SYT16: variants seen among roughly 807,000 people sequenced by gnomAD.
The protein encoded by SYT16 is synaptotagmin 16, also known as synaptotagmin-16.
SYT16 carries 42 observed loss-of-function variants against 61.4 expected under a neutral mutation model. The ratio of observed to expected loss-of-function variants is 0.68; its 90% CI spans 0.53 to 0.89. SYT16 has a LOEUF of 0.89. SYT16 is among the 40% of genes least tolerant of loss of function. SYT16 has a pLI of 0.00. For missense variants in SYT16, 804 were observed against 807.3 expected (o/e 1.00, Z 0.05); for synonymous variants, 314 against 302.3 (o/e 1.04, Z -0.40).
intron 1 of SYT16, among the ~76,000 whole-genome samples, chr14:61,895,465 C>T (rs1181609279): frequency 1.3e-5 from 2 of 152,154 alleles, no homozygotes; most frequent in African/African-American, 4.8e-5. Context: ...TCAAGCTGTT[C>T]CTTTTTGTGT....
intron 3 of SYT16, among the ~76,000 whole-genome samples, chr14:62,052,850 C>T (rs948999647): frequency 2.0e-5 from 3 of 152,126 alleles, no homozygotes; most frequent in Admixed American, 6.5e-5. Context: ...TGCTGGCATC[C>T]CGATTTCAGA....
At chr14:61,934,748 T>C (rs745787708) in intron 1 of SYT16, among the ~76,000 whole-genome samples, 49 of 152,192 alleles carry the variant, frequency 3.2e-4, no homozygotes, top group Admixed American at 7.2e-4. Flanking sequence ...TGCAAAGTGA[T>C]AGAATTGTTC....
At chr14:62,063,200 T>G (rs1046079578) in intron 3 of SYT16, among the ~76,000 whole-genome samples, 1 of 152,132 alleles carries the variant, frequency 6.6e-6, no homozygotes, top group Non-Finnish European at 1.5e-5. Flanking sequence ...CCTTGTATTT[T>G]CCACCCTTCC....
chr14:62,027,423 T>G (rs900199590), intron 3 of SYT16, among the ~76,000 whole-genome samples: 1 of 152,236 alleles, frequency 6.6e-6, no homozygotes, highest in Non-Finnish European at 1.5e-5. Context: ...GACCTAGGTC[T>G]GTATAAGGGC....
intron 3 of SYT16, among the ~76,000 whole-genome samples, chr14:62,042,981 T>C (rs1051239562): frequency 6.6e-6 from 1 of 152,200 alleles, no homozygotes; most frequent in East Asian, 1.9e-4. Context: ...TATGCCCCCA[T>C]CTTTGCCTGT....
chr14:61,865,059 T>G, intron 1 of SYT16: 2 of 1,400,228 alleles, frequency 1.4e-6, no homozygotes, highest in Non-Finnish European at 2.0e-6. Flanking sequence ...AGCTGCAGGC[T>G]CGACTGTGCA....
chr14:61,998,213 A>G (rs1279315380), intron 3 of SYT16, among the ~76,000 whole-genome samples: 1 of 151,950 alleles, frequency 6.6e-6, no homozygotes, highest in Non-Finnish European at 1.5e-5. Context: ...TTAAAGGTAT[A>G]ATTTACTATA....
intron 1 of SYT16, among the ~76,000 whole-genome samples, chr14:61,861,975 G>A (rs1343319174): frequency 6.6e-6 from 1 of 152,142 alleles, no homozygotes; most frequent in Non-Finnish European, 1.5e-5. Context: ...TGGAAAAATA[G>A]TGCTGACAGA....
At chr14:62,044,191 C>T (rs374103870) in intron 3 of SYT16, among the ~76,000 whole-genome samples, 1 of 149,800 alleles carries the variant, frequency 6.7e-6, no homozygotes, top group Non-Finnish European at 1.5e-5. Flanking sequence ...CAGAGCAAGA[C>T]CCTGTCTTTG....
chr14:61,960,778 G>T (rs2051085863), intron 1 of SYT16, among the ~76,000 whole-genome samples: 1 of 152,126 alleles, frequency 6.6e-6, no homozygotes, highest in Non-Finnish European at 1.5e-5. Context: ...GTCTTGTGCT[G>T]GTTTTCAAGG....
intron 1 of SYT16, among the ~76,000 whole-genome samples, chr14:61,835,594 C>T (rs1439463602): frequency 2.0e-5 from 3 of 151,734 alleles, no homozygotes; most frequent in African/African-American, 7.3e-5. Flanking sequence ...TTTTATCAAT[C>T]ACCTTTTTAT....
chr14:62,008,154 T>C (rs938473387), intron 3 of SYT16, among the ~76,000 whole-genome samples: 2 of 152,108 alleles, frequency 1.3e-5, no homozygotes, highest in Non-Finnish European at 1.5e-5. Context: ...TTCTTCCCTC[T>C]TCCATTCTTT....
intron 2 of SYT16, among the ~76,000 whole-genome samples, chr14:61,971,660 A>C (rs1434109476): frequency 6.6e-6 from 1 of 152,240 alleles, no homozygotes; most frequent in Non-Finnish European, 1.5e-5. Context: ...CTACTTTTTG[A>C]GGGGAAGAGT....
At chr14:62,032,771 G>T (rs767684092) in intron 3 of SYT16, among the ~76,000 whole-genome samples, 1 of 151,666 alleles carries the variant, frequency 6.6e-6, no homozygotes, top group Non-Finnish European at 1.5e-5. Context: ...TTTAATTGGG[G>T]TGGAGGGAGG....
intron 1 of SYT16, among the ~76,000 whole-genome samples, chr14:61,865,567 A>T (rs970500394): frequency 5.3e-5 from 8 of 152,212 alleles, no homozygotes; most frequent in African/African-American, 1.9e-4. Flanking sequence ...GTATAGTCTG[A>T]TGGGAAAGAT....
chr14:62,027,751 C>T (rs1050978446), intron 3 of SYT16, among the ~76,000 whole-genome samples: 16 of 152,230 alleles, frequency 1.1e-4, no homozygotes, highest in Admixed American at 3.3e-4. Flanking sequence ...GACATGGATC[C>T]CTGATTGGAA....
In SYT16 at chr14:62,056,232, A is replaced by T. The variant is rs188395504; in HGVS notation, c.524-13371A>T. On this transcript the variant is annotated intron_variant, in intron 3 of 7. Transcript: ENST00000683842. ...TACAGTGAAATACTATCTCACGTCT[A>T]CCAGGTCTGCAAAATCCAGCTTGGG... Among the ~76,000 whole-genome samples, 5 of 152,272 alleles carry T rather than the reference A, an allele frequency of 3.3e-5. No homozygotes were observed. The East Asian group carries it at 9.6e-4, about 29-fold the overall frequency.
chr14:61,861,238 G>C (rs2046952519), intron 1 of SYT16, among the ~76,000 whole-genome samples: 1 of 151,808 alleles, frequency 6.6e-6, no homozygotes, highest in Admixed American at 6.6e-5. Context: ...TTTCTTTATG[G>C]GCACAGAAAT....
chr14:61,972,129 T>C (rs2051587567), intron 2 of SYT16, among the ~76,000 whole-genome samples: 1 of 152,318 alleles, frequency 6.6e-6, no homozygotes, highest in East Asian at 1.9e-4. Flanking sequence ...ATTAATTCTG[T>C]AGAGACACCA....
Sources: allele counts gnomAD v4.1 joint callset (sites outside exome capture counted in the v4.1 genomes callset), GRCh38; gene constraint gnomAD v4.1.1; transcripts MANE v1.5; gene names NCBI Gene and HGNC (gene_info 2026-07-23, HGNC 2026-07-21).